The following ARHGAP28 variants were observed in gnomAD, a reference collection of about 807,000 sequenced individuals.
The protein encoded by ARHGAP28 is Rho GTPase activating protein 28.
In ARHGAP28, 56 loss-of-function variants were observed where a neutral mutation model predicts 90.7. That is an observed-to-expected ratio of 0.62 (90% CI 0.50 to 0.77). The LOEUF (loss-of-function observed/expected upper bound fraction) is 0.77. Ranked by LOEUF, ARHGAP28 falls within the 30% of genes least tolerant of loss-of-function variation. ARHGAP28 has a pLI of 0.00. For synonymous variants in ARHGAP28, 308 were observed against 323.3 expected, an observed-to-expected ratio of 0.95 and a Z score of 0.51; for missense variants, 869 against 900.9, an observed-to-expected ratio of 0.96 and a Z score of 0.45.
intron 16 of ARHGAP28, 45 bp from the exon 17 acceptor site, chr18:6,908,915 T>A: frequency 2.5e-6 from 3 of 1,203,200 alleles, no homozygotes; most frequent in Non-Finnish European, 3.6e-6. Flanking sequence ...TTACCTCAGA[T>A]CAGGAAAAAG....
chr18:6,895,639 A>T lies in ARHGAP28; in HGVS notation c.1905+748A>T, dbSNP rs113034096. Among the ~76,000 whole-genome samples the T allele has an allele frequency of 1.3e-3, 196 of 152,212 alleles. 2 individuals carry two copies. Among genetic ancestry groups the T allele is most frequent in the African/African-American group, 4.4e-3 (184 of 41,550 alleles). Reference sequence around the variant, plus strand: ...ACATGGTGTTCTTTCTTGTGTCTCCATGTCTCTTCTCCTCTTACAAGGATG... The same window carrying T: ...ACATGGTGTTCTTTCTTGTGTCTCCTTGTCTCTTCTCCTCTTACAAGGATG... On this transcript the variant is annotated intron_variant, in intron 15 of 17. Coordinates refer to ENST00000383472, the MANE Select transcript of ARHGAP28 (RefSeq NM_001366230.1).
In ARHGAP28 at chr18:6,894,897, A is replaced by C. The variant is rs1369984660; in HGVS notation, c.1905+6A>C. 1 of 1,613,806 alleles carries C rather than the reference A, an allele frequency of 6.2e-7. No individual in the cohort carries two copies. Among genetic ancestry groups the C allele is most frequent in the Admixed American group, 1.7e-5 (1 of 60,010 alleles). On this transcript the variant is annotated splice_donor_region_variant and intron_variant, in intron 15 of 17. Coordinates refer to ENST00000383472, the MANE Select transcript of ARHGAP28 (RefSeq NM_001366230.1). Reference sequence around the variant, plus strand: ...CACCCTCGGCAAGACGAATGGTAAGAAAAATAATTTCTTTTCCCTTCCATT... The same window carrying C: ...CACCCTCGGCAAGACGAATGGTAAGCAAAATAATTTCTTTTCCCTTCCATT...
chr18:6,860,896 G>A (rs1008946312), intron 5 of ARHGAP28, among the ~76,000 whole-genome samples: 1 of 152,198 alleles, frequency 6.6e-6, no homozygotes, highest in Non-Finnish European at 1.5e-5. Context: ...TAAATAGGCT[G>A]AGGGTTACCC....
intron 3 of ARHGAP28, among the ~76,000 whole-genome samples, chr18:6,841,799 T>TA (rs1351280772): frequency 1.3e-5 from 2 of 152,214 alleles, no homozygotes; most frequent in Non-Finnish European, 2.9e-5. Context: ...TTTATCTTTT[T>TA]AAAAAATTCA....
intron 1 of ARHGAP28, among the ~76,000 whole-genome samples, chr18:6,735,685 G>A (rs1435473729): frequency 1.3e-5 from 2 of 151,688 alleles, no homozygotes; most frequent in African/African-American, 2.4e-5. Context: ...CTCCTGAGTC[G>A]CTGAGGCTAC....
intron 3 of ARHGAP28, among the ~76,000 whole-genome samples, chr18:6,840,477 T>C (rs1466255467): frequency 6.6e-6 from 1 of 152,200 alleles, no homozygotes; most frequent in Non-Finnish European, 1.5e-5. Flanking sequence ...ACCTTCTTCT[T>C]TCATTTAGAC....
intron 4 of ARHGAP28, among the ~76,000 whole-genome samples, chr18:6,858,953 ACATT>A (rs1247890060): frequency 6.6e-6 from 1 of 152,240 alleles, no homozygotes; most frequent in Non-Finnish European, 1.5e-5. Context: ...CAAGCAAAAT[ACATT>A]CAATCAAATG....
chr18:6,870,801 T>C, intron 7 of ARHGAP28, 69 bp downstream of exon 7: 1 of 1,495,334 alleles, frequency 6.7e-7, no homozygotes, highest in Non-Finnish European at 9.0e-7. Context: ...TAAGATTTCT[T>C]TTTCTTTTTT....
At position 6,888,653 on chromosome 18, in the gene ARHGAP28, T is replaced by A. The variant is rs187756553; in HGVS notation, c.1537-1235T>A. On this transcript the variant is annotated intron_variant, in intron 12 of 17. Coordinates refer to ENST00000383472, the MANE Select transcript of ARHGAP28 (RefSeq NM_001366230.1). Reference sequence around the variant, plus strand: ...AGAGTGTTCTTTTATCAAAAAAAAATTCATCTGTTATCAAATATCTGAGTC... The same window carrying A: ...AGAGTGTTCTTTTATCAAAAAAAAAATCATCTGTTATCAAATATCTGAGTC... Among the ~76,000 whole-genome samples the A allele has an allele frequency of 2.0e-3, 312 of 152,234 alleles. 2 individuals are homozygous for A. Among genetic ancestry groups the A allele is most frequent in the African/African-American group, 7.2e-3 (297 of 41,498 alleles).
chr18:6,729,910 C>T lies in ARHGAP28; in HGVS notation c.89C>T (p.Ala30Val). ...AQPPNAESRC[A>V]PRAAASHPLS... Reference sequence around the variant, plus strand: ...CCCCCCAACGCCGAGTCGCGCTGCGCGCCCCGCGCCGCAGCCAGCCACCCG... The same window carrying T: ...CCCCCCAACGCCGAGTCGCGCTGCGTGCCCCGCGCCGCAGCCAGCCACCCG... Residue 30 changes from alanine (A) to valine (V), a missense_variant, in exon 1 of 18, where the codon GCG (alanine) becomes GTG (valine). Ala to Val is a moderately conservative substitution (Grantham distance 64). Coordinates refer to ENST00000383472, the MANE Select transcript of ARHGAP28 (RefSeq NM_001366230.1). The T allele has an allele frequency of 7.1e-7, 1 of 1,409,872 alleles. No individual in the cohort carries two copies. The highest frequency in any genetic ancestry group is 1.5e-5 in the South Asian group (1 of 66,152). 87.3% of individuals were successfully genotyped at this position (1,409,872 alleles called of 1,614,324 possible).
At chr18:6,910,130 A>G (rs1214916957) in intron 17 of ARHGAP28, among the ~76,000 whole-genome samples, 2 of 152,142 alleles carry the variant, frequency 1.3e-5, no homozygotes, top group Non-Finnish European at 2.9e-5. Flanking sequence ...CATGGTCACC[A>G]GACAACTCGT....
intron 2 of ARHGAP28, among the ~76,000 whole-genome samples, chr18:6,828,038 C>T (rs1218267654): frequency 6.6e-6 from 1 of 152,130 alleles, no homozygotes; most frequent in Non-Finnish European, 1.5e-5. Context: ...GAGATCACGC[C>T]ACTGCACTCC....
intron 16 of ARHGAP28, 153 bp downstream of exon 16, chr18:6,896,779 T>C: frequency 2.2e-6 from 2 of 894,840 alleles, no homozygotes; most frequent in Non-Finnish European, 1.6e-6. Context: ...AAAAAGAGAA[T>C]GAAGTTAGTA....
intron 1 of ARHGAP28, among the ~76,000 whole-genome samples, chr18:6,817,142 C>T (rs996898944): frequency 4.0e-5 from 6 of 150,980 alleles, no homozygotes; most frequent in African/African-American, 1.5e-4. Flanking sequence ...GGTGAAACCC[C>T]GTCTCTACTA....
chr18:6,830,087 T>A (rs898344187), intron 2 of ARHGAP28, among the ~76,000 whole-genome samples: 1 of 152,208 alleles, frequency 6.6e-6, no homozygotes, highest in African/African-American at 2.4e-5. Context: ...CTTCTTCTTA[T>A]AAAGATACCA....
chr18:6,910,892 T>C (rs1479542361), intron 17 of ARHGAP28, among the ~76,000 whole-genome samples: 7 of 72,894 alleles, frequency 9.6e-5, no homozygotes, highest in African/African-American at 3.4e-4. Flanking sequence ...TCGCCCAGGC[T>C]GGAGTGCAGT....
At chr18:6,825,811 A>G (rs904566763) in intron 2 of ARHGAP28, among the ~76,000 whole-genome samples, 5 of 152,204 alleles carry the variant, frequency 3.3e-5, no homozygotes, top group African/African-American at 1.2e-4. Context: ...GCTGCATAGT[A>G]TCCCATCTTG....
chr18:6,866,422 C>A lies in ARHGAP28; in HGVS notation c.727-1728C>A, dbSNP rs575950471. On this transcript the variant is annotated intron_variant, in intron 5 of 17. Transcript: ENST00000383472. The stretch of plus-strand genomic sequence containing the variant: ...CTGAAATTTCTGCTTCCATCTCCAT[C>A]TGGCCTGAATGCTTCTGCATGTCTC... 2.0e-5 allele frequency among the ~76,000 whole-genome samples: 3 copies of A among 152,286 alleles called. No homozygotes were observed. The East Asian group carries it at 5.8e-4, about 29-fold the overall frequency.
chr18:6,746,141 A>G (rs530425586), intron 1 of ARHGAP28, among the ~76,000 whole-genome samples: 2 of 152,220 alleles, frequency 1.3e-5, no homozygotes, highest in Non-Finnish European at 2.9e-5. Context: ...TCTTCTCAGC[A>G]TTTAAGGTGT....
Sources: gnomAD v4.1 joint callset for allele counts (sites outside exome capture counted in the v4.1 genomes callset) on GRCh38, gnomAD v4.1.1 for gene constraint, MANE v1.5 for transcripts, NCBI Gene and HGNC (gene_info 2026-07-23, HGNC 2026-07-21) for gene names.